LHFPL2: variants seen among roughly 807,000 people sequenced by gnomAD.
The protein encoded by LHFPL2 is LHFPL tetraspan subfamily member 2 protein.
LHFPL2 carries 7 observed loss-of-function variants against 17.5 expected under a neutral mutation model. The observed-to-expected ratio is 0.40, with a 90% CI of 0.23 to 0.75. The LOEUF is 0.75. Among genes scored for constraint, LHFPL2 ranks in the 30% least tolerant of loss-of-function variants. The probability of loss-of-function intolerance (pLI) is 0.37; values close to 1 mark genes in which losing one functional copy is unlikely to be tolerated. For missense variants in LHFPL2, 241 were observed against 294.8 expected (o/e 0.82, Z 1.34); for synonymous variants, 134 against 116.2 (o/e 1.15, Z -0.99).
intron 1 of LHFPL2, among the ~76,000 whole-genome samples, chr5:78,640,192 CA>C (rs570562052): frequency 0.01 from 1,532 of 148,636 alleles, 24 homozygotes; most frequent in African/African-American, 0.036. Flanking sequence ...AATTAAAAAA[CA>C]AAAAAAAAAT....
At chr5:78,599,559 G>A (rs752410420) in intron 2 of LHFPL2, among the ~76,000 whole-genome samples, 7 of 151,554 alleles carry the variant, frequency 4.6e-5, no homozygotes, top group East Asian at 1.9e-4. Flanking sequence ...GATCCACCTC[G>A]GCCTCCCAAA....
intron 2 of LHFPL2, among the ~76,000 whole-genome samples, chr5:78,591,172 G>A (rs925086586): frequency 2.6e-5 from 4 of 152,174 alleles, no homozygotes; most frequent in East Asian, 3.9e-4. Flanking sequence ...GAAGTAAAAC[G>A]CTAATGACTT....
At chr5:78,571,448 G>C (rs1481485954) in intron 2 of LHFPL2, among the ~76,000 whole-genome samples, 1 of 152,146 alleles carries the variant, frequency 6.6e-6, no homozygotes, top group East Asian at 1.9e-4. Context: ...AGCTCACGCA[G>C]CTCAGAGAGT....
At chr5:78,599,779 G>A (rs1479021730) in intron 2 of LHFPL2, among the ~76,000 whole-genome samples, 1 of 152,140 alleles carries the variant, frequency 6.6e-6, no homozygotes, top group Non-Finnish European at 1.5e-5. Context: ...ATGGGAGACA[G>A]CCTTCAGCAT....
intron 2 of LHFPL2, among the ~76,000 whole-genome samples, chr5:78,592,737 C>T (rs1322828566): frequency 7.6e-6 from 1 of 132,436 alleles, no homozygotes; most frequent in Non-Finnish European, 1.6e-5. Context: ...TACACACACA[C>T]ACACACACAC....
In LHFPL2 at chr5:78,614,459, C is replaced by T. The variant is rs115532422; in HGVS notation, c.-245+17805G>A. Among the ~76,000 whole-genome samples, 1,010 of 152,336 alleles carry T rather than the reference C, an allele frequency of 6.6e-3. 11 individuals carry two copies. Among genetic ancestry groups the T allele is most frequent in the African/African-American group, 0.022 (896 of 41,578 alleles). On this transcript the variant is annotated intron_variant, in intron 2 of 4. Transcript: ENST00000380345. ...AAAAATAATCTACTTCTAAGCTCCA[C>T]CTCTGGAATTAGAAAAGCAGTGTTA... is the stretch of plus-strand genomic sequence containing the variant.
chr5:78,495,285 A>AC lies in LHFPL2; in HGVS notation c.431-6133dup, dbSNP rs371480340. ...TTATTTCACAGCCTTTCCCTGACCA[A>AC]CCCACCCTCTCCACATCAGTCATGA... On this transcript the variant is annotated intron_variant, in intron 4 of 4. Transcript: ENST00000380345. Among the ~76,000 whole-genome samples the AC allele has an allele frequency of 8.9e-3, 1,350 of 151,530 alleles. 18 individuals carry two copies. Among genetic ancestry groups the AC allele is most frequent in the African/African-American group, 0.024 (988 of 41,422 alleles).
At chr5:78,501,208 ATCTCC>A (rs1044050030) in intron 4 of LHFPL2, among the ~76,000 whole-genome samples, 14 of 152,244 alleles carry the variant, frequency 9.2e-5, no homozygotes, top group African/African-American at 2.9e-4. Flanking sequence ...AGCCTTTATT[ATCTCC>A]TCTCATCATT....
chr5:78,572,469 T>C (rs1198186730), intron 2 of LHFPL2, among the ~76,000 whole-genome samples: 1 of 149,880 alleles, frequency 6.7e-6, no homozygotes. Flanking sequence ...TGTATATACA[T>C]GTGTATATAT....
chr5:78,637,441 G>A (rs900996321), intron 1 of LHFPL2, among the ~76,000 whole-genome samples: 18 of 152,164 alleles, frequency 1.2e-4, no homozygotes, highest in Non-Finnish European at 2.2e-4. Context: ...TCAACTGGAA[G>A]AGCTCATAAC....
In LHFPL2 at chr5:78,583,421, T is replaced by C. The variant is rs540826233; in HGVS notation, c.-244-18550A>G. ...GGCATGATTTTGCAGCGGCTGGTAC[T>C]GGTTGTTCCTTTCCATGTTTAGCGC... On this transcript the variant is annotated intron_variant, in intron 2 of 4. Coordinates refer to ENST00000380345, the MANE Select transcript of LHFPL2 (RefSeq NM_005779.3). Among the ~76,000 whole-genome samples, 112 of 150,814 alleles carry C rather than the reference T, an allele frequency of 7.4e-4. 1 individual carries two copies. In the Middle Eastern group the frequency reaches 0.014, roughly 19 times the overall value.
intron 4 of LHFPL2, among the ~76,000 whole-genome samples, chr5:78,502,449 A>C (rs1343896432): frequency 6.6e-6 from 1 of 152,244 alleles, no homozygotes; most frequent in African/African-American, 2.4e-5. Flanking sequence ...ACCTAGCCAG[A>C]TGATTCCTTC....
intron 4 of LHFPL2, among the ~76,000 whole-genome samples, chr5:78,507,788 G>A (rs10942859): frequency 0.043 from 6,540 of 152,224 alleles, 300 homozygotes; most frequent in East Asian, 0.25. Context: ...CAGAGCGAGG[G>A]AAAACTAAAC....
chr5:78,522,006 G>A (rs1755473199), intron 3 of LHFPL2, among the ~76,000 whole-genome samples: 1 of 152,134 alleles, frequency 6.6e-6, no homozygotes, highest in African/African-American at 2.4e-5. Context: ...GGATTTCTGA[G>A]GTAATAGGTA....
intron 3 of LHFPL2, among the ~76,000 whole-genome samples, chr5:78,544,880 A>C (rs944290220): frequency 6.6e-6 from 1 of 152,210 alleles, no homozygotes; most frequent in African/African-American, 2.4e-5. Flanking sequence ...GACAGCGACA[A>C]GCTTTTCTTT....
At position 78,514,379 on chromosome 5, in the gene LHFPL2, G is replaced by A. The variant is rs1166598014; in HGVS notation, c.-185-3981C>T. On this transcript the variant is annotated intron_variant, in intron 3 of 4. Coordinates refer to ENST00000380345, the MANE Select transcript of LHFPL2 (RefSeq NM_005779.3). Reference sequence around the variant, plus strand: ...ACTTAAAAAAAAAAAAAAGACAAATGAGAATCCTGCAGAAACCTACATTAA... The same window carrying A: ...ACTTAAAAAAAAAAAAAAGACAAATAAGAATCCTGCAGAAACCTACATTAA... 4.6e-5 allele frequency among the ~76,000 whole-genome samples: 7 copies of A among 150,672 alleles called. No individual in the cohort carries two copies. In the East Asian group the frequency reaches 1.2e-3, roughly 25 times the overall value.
At chr5:78,528,532 G>A (rs1359336094) in intron 3 of LHFPL2, among the ~76,000 whole-genome samples, 1 of 152,208 alleles carries the variant, frequency 6.6e-6, no homozygotes, top group African/African-American at 2.4e-5. Flanking sequence ...CACGAAACAG[G>A]TCCCTGGTGC....
At chr5:78,597,498 A>C (rs1743866063) in intron 2 of LHFPL2, among the ~76,000 whole-genome samples, 1 of 152,236 alleles carries the variant, frequency 6.6e-6, no homozygotes, top group African/African-American at 2.4e-5. Flanking sequence ...GTCTCAGAGT[A>C]GAATGATTCA....
chr5:78,580,083 AT>A (rs1361866123), intron 2 of LHFPL2, among the ~76,000 whole-genome samples: 1 of 152,052 alleles, frequency 6.6e-6, no homozygotes, highest in Non-Finnish European at 1.5e-5. Context: ...TTTGATTTGC[AT>A]TTCTCTGATG....
Sources: allele counts gnomAD v4.1 joint callset (sites outside exome capture counted in the v4.1 genomes callset), GRCh38; gene constraint gnomAD v4.1.1; transcripts MANE v1.5; gene names NCBI Gene and HGNC (gene_info 2026-07-23, HGNC 2026-07-21).